The following CFAP299 variants were observed in gnomAD, a reference collection of about 807,000 sequenced individuals.
CFAP299 encodes the protein cilia- and flagella-associated protein 299.
CFAP299 carries 21 observed loss-of-function variants against 27.0 expected under a neutral mutation model. That is an observed-to-expected ratio of 0.78 (90% CI 0.55 to 1.12). CFAP299 has a LOEUF of 1.12. CFAP299 is among the 50% of genes most tolerant of loss of function. The probability of loss-of-function intolerance (pLI) is 0.00; values close to 1 mark genes in which losing one functional copy is unlikely to be tolerated. For synonymous variants in CFAP299, 104 were observed against 98.1 expected, an observed-to-expected ratio of 1.06 and a Z score of -0.36; for missense variants, 310 against 276.6, an observed-to-expected ratio of 1.12 and a Z score of -0.86.
chr4:80,879,132 T>C (rs1733561618), intron 4 of CFAP299, among the ~76,000 whole-genome samples: 1 of 152,098 alleles, frequency 6.6e-6, no homozygotes. Flanking sequence ...ATCACTAAGG[T>C]AAATGATGCT....
At chr4:80,955,991 G>A (rs1180912451) in intron 5 of CFAP299, among the ~76,000 whole-genome samples, 1 of 152,110 alleles carries the variant, frequency 6.6e-6, no homozygotes, top group African/African-American at 2.4e-5. Flanking sequence ...GGGAAAGAAT[G>A]AGACTTCATC....
intron 3 of CFAP299, among the ~76,000 whole-genome samples, chr4:80,588,118 G>A (rs1736541355): frequency 6.6e-6 from 1 of 151,174 alleles, no homozygotes; most frequent in African/African-American, 2.5e-5. Flanking sequence ...TGTTCTGCCT[G>A]CGGCAAGGTG....
intron 2 of CFAP299, among the ~76,000 whole-genome samples, chr4:80,441,914 C>G (rs1728379004): frequency 6.6e-6 from 1 of 152,186 alleles, no homozygotes; most frequent in Non-Finnish European, 1.5e-5. Context: ...ATCCTACTGT[C>G]TGATAAAACA....
rs1056051448 is a variant in CFAP299 at position 80,386,829 on chromosome 4, G to A, written c.242+23945G>A. 4.3e-6 allele frequency: 4 copies of A among 923,864 alleles called. No individual in the cohort carries two copies. The African/African-American group carries it at 4.8e-5, about 11-fold the overall frequency. The allele number at this position is 923,864 out of a possible 1,614,324, so 57.2% of individuals were successfully genotyped here. ...GGGCATTTATATTTCTTGAAGGGCT[G>A]GTGGATCAACATGTCTCTCTTACAG... On this transcript the variant is annotated intron_variant, in intron 2 of 5. Coordinates refer to ENST00000358105, the MANE Select transcript of CFAP299 (RefSeq NM_152770.3).
intron 2 of CFAP299, among the ~76,000 whole-genome samples, chr4:80,554,638 A>G (rs941608394): frequency 1.3e-4 from 19 of 151,144 alleles, no homozygotes; most frequent in African/African-American, 4.6e-4. Flanking sequence ...TAAGCATGAG[A>G]TGTTTTTCCA....
At chr4:80,949,723 T>A (rs149375668) in intron 5 of CFAP299, among the ~76,000 whole-genome samples, 1 of 152,256 alleles carries the variant, frequency 6.6e-6, no homozygotes, top group Non-Finnish European at 1.5e-5. Context: ...TAGTTCAATT[T>A]GGCTTCTGCG....
At chr4:80,514,156 T>C (rs2110166998) in intron 2 of CFAP299, among the ~76,000 whole-genome samples, 1 of 152,172 alleles carries the variant, frequency 6.6e-6, no homozygotes, top group South Asian at 2.1e-4. Context: ...AGAGATTTTT[T>C]ATAATTTTAG....
intron 1 of CFAP299, among the ~76,000 whole-genome samples, chr4:80,354,203 A>T (rs1723149803): frequency 6.6e-6 from 1 of 152,196 alleles, no homozygotes; most frequent in Non-Finnish European, 1.5e-5. Context: ...AGCAATACAA[A>T]TCAAATTAGG....
chr4:80,404,761 C>T (rs533982271), intron 2 of CFAP299, among the ~76,000 whole-genome samples: 1 of 152,232 alleles, frequency 6.6e-6, no homozygotes, highest in African/African-American at 2.4e-5. Context: ...ACAAATATTT[C>T]TTTGAGAGCA....
Position 80,866,067 on chromosome 4 carries a change from A to ATATATATATATC in CFAP299, c.334-3915_334-3914insCTATATATATAT, listed in dbSNP as rs1467903689. Among the ~76,000 whole-genome samples the ATATATATATATC allele has an allele frequency of 9.0e-4, 62 of 69,204 alleles. 2 individuals carry two copies. The highest frequency in any genetic ancestry group is 1.6e-3 in the Non-Finnish European group (56 of 34,916). 45.4% of individuals were successfully genotyped at this position (69,204 alleles called of 152,430 possible). ...CCGTAGAACTTAAAGTATTATATATATATATATATATATATATATATATAT... is the reference window on the plus strand; with the variant it reads ...CCGTAGAACTTAAAGTATTATATATATATATATATATCTATATATATATATATATATATATAT... On this transcript the variant is annotated intron_variant, in intron 3 of 5. Transcript: ENST00000358105.
intron 3 of CFAP299, among the ~76,000 whole-genome samples, chr4:80,646,899 A>G (rs1385411741): frequency 6.6e-6 from 1 of 152,166 alleles, no homozygotes; most frequent in Admixed American, 6.6e-5. Flanking sequence ...ATCTGGCAGT[A>G]TAGTTTTAAA....
chr4:80,816,076 A>G (rs1054124075), intron 3 of CFAP299, among the ~76,000 whole-genome samples: 1 of 152,050 alleles, frequency 6.6e-6, no homozygotes, highest in Non-Finnish European at 1.5e-5. Flanking sequence ...TATTTGAGAA[A>G]CAATTTCTAC....
intron 2 of CFAP299, among the ~76,000 whole-genome samples, chr4:80,433,950 T>C (rs535070432): frequency 1.2e-4 from 18 of 152,322 alleles, no homozygotes; most frequent in Middle Eastern, 3.4e-3. Context: ...GTAACACATT[T>C]ATAGTGTCAT....
chr4:80,337,969 G>A (rs1578327928), intron 1 of CFAP299, among the ~76,000 whole-genome samples: 1 of 152,196 alleles, frequency 6.6e-6, no homozygotes, highest in East Asian at 1.9e-4. Context: ...TTCTGTGGAT[G>A]TAAGTTCATT....
intron 2 of CFAP299, among the ~76,000 whole-genome samples, chr4:80,526,078 T>C (rs1039945094): frequency 3.3e-5 from 5 of 152,258 alleles, no homozygotes; most frequent in Admixed American, 6.5e-5. Flanking sequence ...GGATCTAAAG[T>C]GAAAACAGTA....
intron 2 of CFAP299, among the ~76,000 whole-genome samples, chr4:80,401,544 G>T (rs1452292065): frequency 1.3e-5 from 2 of 152,206 alleles, no homozygotes. Flanking sequence ...CAGAAGTCAA[G>T]AATTGAGGTT....
At chr4:80,627,676 G>A (rs1481512087) in intron 3 of CFAP299, among the ~76,000 whole-genome samples, 4 of 151,774 alleles carry the variant, frequency 2.6e-5, no homozygotes, top group Non-Finnish European at 5.9e-5. Flanking sequence ...TACAACACTC[G>A]GTAGTGTTTC....
chr4:80,415,218 G>C (rs1191220343), intron 2 of CFAP299, among the ~76,000 whole-genome samples: 2 of 152,064 alleles, frequency 1.3e-5, no homozygotes, highest in Admixed American at 6.6e-5. Context: ...ACAAAATTTT[G>C]GCCGTCTTTC....
At position 80,661,097 on chromosome 4, in the gene CFAP299, A is replaced by G. The variant is rs1401251157; in HGVS notation, c.333+77914A>G. Among the ~76,000 whole-genome samples the G allele has an allele frequency of 4.6e-5, 7 of 152,114 alleles. No homozygotes were observed. In the East Asian group the frequency reaches 1.2e-3, roughly 25 times the overall value. On this transcript the variant is annotated intron_variant, in intron 3 of 5. Coordinates refer to ENST00000358105, the MANE Select transcript of CFAP299 (RefSeq NM_152770.3). ...TCCCAGCACTTTGAGAGACTGAGGC[A>G]GGTGGATCACCTGAGGTCAGGAGTT...
Sources: gnomAD v4.1 joint callset for allele counts (sites outside exome capture counted in the v4.1 genomes callset) on GRCh38, gnomAD v4.1.1 for gene constraint, MANE v1.5 for transcripts, NCBI Gene and HGNC (gene_info 2026-07-23, HGNC 2026-07-21) for gene names.